The following WBP2NL variants were observed in gnomAD, a reference collection of about 807,000 sequenced individuals.
The protein encoded by WBP2NL is postacrosomal sheath WW domain-binding protein.
Under a neutral mutation model 23.3 loss-of-function variants are expected in WBP2NL, and 27 were observed. That is an observed-to-expected ratio of 1.16 (90% CI 0.85 to 1.60). The LOEUF (loss-of-function observed/expected upper bound fraction) is 1.60, where lower values mean the gene tolerates loss of function less well. Ranked by LOEUF, WBP2NL falls within the 40% of genes most tolerant of loss-of-function variation. The probability of loss-of-function intolerance (pLI) is 0.00; values close to 1 mark genes in which losing one functional copy is unlikely to be tolerated. For missense variants in WBP2NL, 370 were observed against 389.5 expected (o/e 0.95, Z 0.42); for synonymous variants, 151 against 145.9 (o/e 1.03, Z -0.25).
At chr22:42,034,548 A>G (rs1160215564), downstream of WBP2NL, among the ~76,000 whole-genome samples, 2 of 152,238 alleles carry the variant, frequency 1.3e-5, no homozygotes, top group African/African-American at 4.8e-5. Flanking sequence ...TTCAGGCACC[A>G]TTGTCATTGA....
At chr22:42,024,661 A>AT (rs1046271745) in intron 5 of WBP2NL, among the ~76,000 whole-genome samples, 4 of 151,370 alleles carry the variant, frequency 2.6e-5, no homozygotes, top group African/African-American at 9.7e-5. Flanking sequence ...TCTTTTGCCT[A>AT]TTTTTTTTAT....
chr22:42,055,377 G>A (rs1023513619), intron 8 of WBP2NL, among the ~76,000 whole-genome samples: 3 of 152,178 alleles, frequency 2.0e-5, no homozygotes, highest in Non-Finnish European at 4.4e-5. Context: ...GTTTCACCAT[G>A]TTGGTCAGGC....
At chr22:42,022,642 A>C (rs940765260) in intron 5 of WBP2NL, among the ~76,000 whole-genome samples, 1 of 152,234 alleles carries the variant, frequency 6.6e-6, no homozygotes, top group African/African-American at 2.4e-5. Flanking sequence ...CCTGAGCAGA[A>C]AATATATGCT....
chr22:42,049,732 T>A (rs867277083), intron 8 of WBP2NL, among the ~76,000 whole-genome samples: 924 of 75,154 alleles, frequency 0.012, 1 homozygote, highest in African/African-American at 0.028. Flanking sequence ...AAAAAAAAAA[T>A]AGAACATTTT....
chr22:42,048,755 CAA>C (rs34128048), intron 8 of WBP2NL, among the ~76,000 whole-genome samples: 10 of 109,816 alleles, frequency 9.1e-5, no homozygotes, highest in African/African-American at 1.7e-4. Flanking sequence ...GACTCGGTCT[CAA>C]AAAAAAAAAA....
At chr22:42,052,518 G>A (rs1379820583) in intron 8 of WBP2NL, among the ~76,000 whole-genome samples, 2 of 152,094 alleles carry the variant, frequency 1.3e-5, no homozygotes, top group South Asian at 2.1e-4. Flanking sequence ...GACCTCAGGC[G>A]ATCCACCCAC....
chr22:42,018,829 T>C (rs1484487480), intron 1 of WBP2NL, among the ~76,000 whole-genome samples: 1 of 151,910 alleles, frequency 6.6e-6, no homozygotes, highest in African/African-American at 2.4e-5. Flanking sequence ...AATAAGATCA[T>C]TTGAATTCCT....
chr22:42,012,728 C>G (rs1380297691), intron 1 of WBP2NL, among the ~76,000 whole-genome samples: 1 of 152,074 alleles, frequency 6.6e-6, no homozygotes, highest in Non-Finnish European at 1.5e-5. Context: ...CACGGTGGCT[C>G]TCGCCTGTAA....
chr22:42,012,483 G>GT (rs1357399341), intron 1 of WBP2NL, among the ~76,000 whole-genome samples: 1 of 152,014 alleles, frequency 6.6e-6, no homozygotes, highest in African/African-American at 2.4e-5. Flanking sequence ...ATAGTGTATT[G>GT]TTTAATTTCC....
rs201402285 is a variant in WBP2NL, at chr22:42,015,755, A to AGT, written c.63-3543_63-3542dup. 5.3e-5 allele frequency among the ~76,000 whole-genome samples: 8 copies of AGT among 151,974 alleles called. No homozygotes were observed. The South Asian group carries it at 6.2e-4, about 12-fold the overall frequency. On this transcript the variant is annotated intron_variant, in intron 1 of 5. Transcript: ENST00000328823. ...AGAGGTGAAAGCTTAGTGCCTCTTC[A>AGT]GTGTGTGTGTGTGTTTCATTTTTTG...
intron 1 of WBP2NL, among the ~76,000 whole-genome samples, chr22:42,010,890 G>A (rs923759870): frequency 3.3e-5 from 5 of 152,096 alleles, no homozygotes; most frequent in Admixed American, 1.3e-4. Flanking sequence ...TGTGATGATC[G>A]CATGGTTTTT....
At chr22:42,055,355 A>G (rs1925991863) in intron 8 of WBP2NL, among the ~76,000 whole-genome samples, 2 of 152,130 alleles carry the variant, frequency 1.3e-5, no homozygotes, top group Non-Finnish European at 2.9e-5. Flanking sequence ...TTGTATTTTT[A>G]GTAGAGATGG....
chr22:42,001,356 C>T (rs537149790), intron 1 of WBP2NL: 68 of 698,976 alleles, frequency 9.7e-5, no homozygotes, highest in Non-Finnish European at 1.3e-4. Flanking sequence ...TCTTGGGATC[C>T]GGAAGCATTC....
intron 5 of WBP2NL, among the ~76,000 whole-genome samples, chr22:42,024,153 T>C (rs956275034): frequency 3.9e-5 from 6 of 152,344 alleles, no homozygotes; most frequent in Non-Finnish European, 4.4e-5. Flanking sequence ...CTCCAAGTTG[T>C]AGCATGTAGC....
chr22:42,055,335 T>C (rs113877786), intron 8 of WBP2NL, among the ~76,000 whole-genome samples: 10,946 of 152,188 alleles, frequency 0.072, 1,338 homozygotes, highest in African/African-American at 0.25. Flanking sequence ...CCACCAAGCC[T>C]GGCTAATTTT....
intron 1 of WBP2NL, among the ~76,000 whole-genome samples, chr22:42,012,135 T>G (rs968250189): frequency 7.9e-5 from 12 of 152,200 alleles, no homozygotes. Context: ...TCTCTCTTTT[T>G]CTTAATCTAG....
chr22:42,006,425 G>T (rs1040007045), intron 1 of WBP2NL, among the ~76,000 whole-genome samples: 1 of 152,058 alleles, frequency 6.6e-6, no homozygotes, highest in Non-Finnish European at 1.5e-5. Flanking sequence ...CCCACTGATG[G>T]GGTTTCACTG....
At chr22:42,038,508 T>C (rs761701035) in intron 8 of WBP2NL, among the ~76,000 whole-genome samples, 18 of 152,242 alleles carry the variant, frequency 1.2e-4, no homozygotes, top group Non-Finnish European at 2.6e-4. Flanking sequence ...GCATTCTCTT[T>C]TTTAATTTTT....
At chr22:42,053,674 G>A (rs1408572332) in intron 8 of WBP2NL, among the ~76,000 whole-genome samples, 1 of 151,956 alleles carries the variant, frequency 6.6e-6, no homozygotes, top group Non-Finnish European at 1.5e-5. Flanking sequence ...TGGCCAGGCT[G>A]GTCTCGAACT....
Sources: gnomAD v4.1 joint callset for allele counts (sites outside exome capture counted in the v4.1 genomes callset) on GRCh38, gnomAD v4.1.1 for gene constraint, MANE v1.5 for transcripts, NCBI Gene and HGNC (gene_info 2026-07-23, HGNC 2026-07-21) for gene names.